POLH: variants seen among roughly 807,000 people sequenced by gnomAD.
POLH encodes DNA polymerase eta.
POLH carries 53 observed loss-of-function variants against 73.6 expected under a neutral mutation model. The ratio of observed to expected loss-of-function variants is 0.72; its 90% CI spans 0.58 to 0.91. POLH has a LOEUF of 0.91. POLH is among the 40% of genes least tolerant of loss of function. The pLI is 0.00. For synonymous variants in POLH, 292 were observed against 308.5 expected (o/e 0.95, Z 0.56); for missense variants, 768 against 865.4 (o/e 0.89, Z 1.41).
At chr6:43,582,292 T>C (rs1315652246) in intron 1 of POLH, 24 bp from the exon 2 acceptor site, 1 of 1,611,840 alleles carries the variant, frequency 6.2e-7, no homozygotes, top group Admixed American at 1.7e-5. Context: ...TTTTTCTAAC[T>C]GTCCATAAAA....
intron 6 of POLH, among the ~76,000 whole-genome samples, chr6:43,602,579 CT>C (rs1766851234): frequency 6.6e-6 from 1 of 152,078 alleles, no homozygotes; most frequent in South Asian, 2.1e-4. Context: ...AGTAGTTTAG[CT>C]GCACCATATT....
At chr6:43,613,499 A>G (rs551252715) in intron 10 of POLH, among the ~76,000 whole-genome samples, 161 bp from the exon 11 acceptor site, 2 of 152,374 alleles carry the variant, frequency 1.3e-5, no homozygotes, top group South Asian at 4.1e-4. Context: ...GAACCACTGC[A>G]GTAAAGAATA....
At chr6:43,593,095 CT>C (rs1765643767) in intron 4 of POLH, among the ~76,000 whole-genome samples, 1 of 152,126 alleles carries the variant, frequency 6.6e-6, no homozygotes, top group South Asian at 2.1e-4. Context: ...TGAACTCATG[CT>C]CAAGTGATCC....
At position 43,614,552 on chromosome 6, in the gene POLH, C is replaced by A; in HGVS notation, c.2137C>A (p.His713Asn). 1 of 1,613,130 alleles carries A rather than the reference C, an allele frequency of 6.2e-7. No homozygotes were observed. The highest frequency in any genetic ancestry group is 2.2e-5 in the East Asian group (1 of 44,894). The change falls in exon 11 of 11, where the codon CAT (histidine) becomes AAT (asparagine). Residue 713 changes from histidine (H) to asparagine (N), a missense_variant. Physicochemically the swap from His to Asn is moderately conservative, Grantham distance 68. Transcript: ENST00000372236. ...GGAATCATTTTTTAAGCCATTAACA[C>A]ATTAGTGCTGCCCTCAGGCTTGCCT... ...TLESFFKPLT[H>N]
At chr6:43,594,979 C>G (rs1444867118) in intron 4 of POLH, among the ~76,000 whole-genome samples, 2 of 151,766 alleles carry the variant, frequency 1.3e-5, no homozygotes, top group Non-Finnish European at 2.9e-5. Flanking sequence ...GGGGGGATTG[C>G]TTGAGTCCAG....
intron 4 of POLH, among the ~76,000 whole-genome samples, chr6:43,590,108 A>G (rs965238923): frequency 2.0e-5 from 3 of 151,430 alleles, no homozygotes; most frequent in African/African-American, 7.3e-5. Flanking sequence ...CCTGTAATCC[A>G]AGCACTTTGG....
Position 43,583,033 on chromosome 6 carries a change from G to T in POLH, c.164G>T (p.Arg55Leu). Residue 55 changes from arginine to leucine, a missense_variant, in exon 3 of 11, where the codon CGT becomes CTT. By Grantham distance (102) the Arg-to-Leu change is moderately radical. Coordinates refer to ENST00000372236, the MANE Select transcript of POLH (RefSeq NM_006502.3). ...GGIIAVSYEARAFGVTRSMWA... is the reference protein window; with the variant it reads ...GGIIAVSYEALAFGVTRSMWA... ...ATAATTGCAGTGAGTTATGAAGCTCGTGCATTTGGAGTCACTAGAAGTATG... is the reference window on the plus strand; with the variant it reads ...ATAATTGCAGTGAGTTATGAAGCTCTTGCATTTGGAGTCACTAGAAGTATG... The T allele has an allele frequency of 6.2e-7, 1 of 1,613,438 alleles. No homozygotes were observed. The highest frequency in any genetic ancestry group is 8.5e-7 in the Non-Finnish European group (1 of 1,179,610).
At chr6:43,605,443 CTTTTTT>C (rs540143863) in intron 9 of POLH, 124 bp downstream of exon 9, 70 of 296,088 alleles carry the variant, frequency 2.4e-4, no homozygotes, top group Admixed American at 3.3e-4. Flanking sequence ...CGTTTTCTTT[CTTTTTT>C]TTTTTTTTTT....
intron 1 of POLH, among the ~76,000 whole-genome samples, chr6:43,578,082 G>GA (rs34132452): frequency 0.02 from 2,757 of 137,098 alleles, 34 homozygotes; most frequent in South Asian, 0.044. Flanking sequence ...CTCTGTCTAG[G>GA]AAAAAAAAAA....
chr6:43,619,781 C>G lies in POLH; in HGVS notation c.*5224C>G. 6.6e-6 allele frequency among the ~76,000 whole-genome samples: 1 copy of G among 152,176 alleles called. No individual in the cohort carries two copies. The highest frequency in any genetic ancestry group is 1.9e-4 in the East Asian group (1 of 5,200). ...AGAGAGGAAGTAAACAGCTTAGCCCCTAATACAGGAGGAAGTTGTTCAACT... is the reference window on the plus strand; with the variant it reads ...AGAGAGGAAGTAAACAGCTTAGCCCGTAATACAGGAGGAAGTTGTTCAACT... On this transcript the variant is annotated 3_prime_UTR_variant, in exon 11 of 11. Transcript: ENST00000372236.
At chr6:43,587,756 C>T (rs376088784) in intron 4 of POLH, among the ~76,000 whole-genome samples, 1 of 152,160 alleles carries the variant, frequency 6.6e-6, no homozygotes, top group South Asian at 2.1e-4. Context: ...AGACCTGGCG[C>T]GGTGATTCAC....
chr6:43,589,888 A>C (rs542854174), intron 4 of POLH, among the ~76,000 whole-genome samples: 1 of 149,630 alleles, frequency 6.7e-6, no homozygotes, highest in African/African-American at 2.5e-5. Flanking sequence ...TATTTTTTTC[A>C]TTTTCTACTT....
At chr6:43,603,846 A>G in intron 6 of POLH, 46 bp from the exon 7 acceptor site, 1 of 1,604,244 alleles carries the variant, frequency 6.2e-7, no homozygotes, top group Non-Finnish European at 8.5e-7. Context: ...TGCTAATTAG[A>G]TAGTTATGAT....
At chr6:43,610,889 T>C (rs1767814792) in intron 10 of POLH, among the ~76,000 whole-genome samples, 166 bp downstream of exon 10, 1 of 152,168 alleles carries the variant, frequency 6.6e-6, no homozygotes, top group Non-Finnish European at 1.5e-5. Context: ...ATGTACAGAT[T>C]AGTCCTTCAA....
In POLH at chr6:43,613,764, C is replaced by T. The variant is rs1296059089; in HGVS notation, c.1349C>T (p.Ser450Phe). ...ITSFLSSDPS[S>F]LPKVPVTSSE... ...AGCTTCTTGAGCAGTGACCCAAGTT[C>T]TCTGCCAAAGGTGCCAGTTACCAGC... The change falls in exon 11 of 11, where the codon TCT becomes TTT. Residue 450 changes from serine (S) to phenylalanine (F), a missense_variant. Ser to Phe is a radical substitution (Grantham distance 155, BLOSUM62 -2). Coordinates refer to ENST00000372236, the MANE Select transcript of POLH (RefSeq NM_006502.3). The T allele has an allele frequency of 1.9e-6, 3 of 1,613,842 alleles. No individual in the cohort carries two copies.
chr6:43,608,833 C>T (rs1316534883), intron 9 of POLH, among the ~76,000 whole-genome samples: 1 of 152,220 alleles, frequency 6.6e-6, no homozygotes, highest in Non-Finnish European at 1.5e-5. Context: ...TTTCCCTTCA[C>T]ACTTAAGGCA....
At chr6:43,605,936 C>G (rs1211395727) in intron 9 of POLH, among the ~76,000 whole-genome samples, 1 of 152,128 alleles carries the variant, frequency 6.6e-6, no homozygotes, top group South Asian at 2.1e-4. Flanking sequence ...ATTGGCCAGG[C>G]TGGTCTTGAA....
intron 4 of POLH, 87 bp from the exon 5 acceptor site, chr6:43,597,607 ACC>A: frequency 1.6e-6 from 2 of 1,239,826 alleles, no homozygotes; most frequent in Non-Finnish European, 2.3e-6. Context: ...ATGTCTAAAT[ACC>A]TGTAATCTAA....
intron 1 of POLH, 119 bp from the exon 2 acceptor site, chr6:43,582,197 T>G: frequency 1.1e-6 from 1 of 923,674 alleles, no homozygotes; most frequent in Non-Finnish European, 1.8e-6. Flanking sequence ...ATTTCATTCT[T>G]GTTAGTTTCC....
Sources: allele counts gnomAD v4.1 joint callset (sites outside exome capture counted in the v4.1 genomes callset), GRCh38; gene constraint gnomAD v4.1.1; transcripts MANE v1.5; gene names NCBI Gene and HGNC (gene_info 2026-07-23, HGNC 2026-07-21).